RAF1: variants seen among roughly 807,000 people sequenced by gnomAD.
The protein encoded by RAF1 is Raf-1 proto-oncogene, serine/threonine kinase.
A neutral mutation model predicts 81.1 loss-of-function variants in RAF1; 27 were observed. The observed-to-expected ratio is 0.33, with a 90% CI of 0.25 to 0.46. The LOEUF is 0.46. RAF1 is among the 20% of genes least tolerant of loss of function. RAF1 has a pLI of 1.00. For missense variants in RAF1, 598 were observed against 826.0 expected, an observed-to-expected ratio of 0.72 and a Z score of 3.38; for synonymous variants, 298 against 294.0, an observed-to-expected ratio of 1.01 and a Z score of -0.14.
chr3:12,655,911 C>G (rs922296367), intron 1 of RAF1, among the ~76,000 whole-genome samples: 3 of 151,692 alleles, frequency 2.0e-5, no homozygotes, highest in African/African-American at 7.3e-5. Flanking sequence ...TTACGAGGAA[C>G]TGGGCATAGG....
chr3:12,645,110 A>T (rs1010330911), intron 1 of RAF1, among the ~76,000 whole-genome samples: 26 of 151,412 alleles, frequency 1.7e-4, no homozygotes, highest in African/African-American at 5.8e-4. Context: ...AAAAAAAAAA[A>T]AAAAAAAAAA....
At chr3:12,617,658 G>A (rs2059414098) in intron 2 of RAF1, among the ~76,000 whole-genome samples, 1 of 151,998 alleles carries the variant, frequency 6.6e-6, no homozygotes, top group Non-Finnish European at 1.5e-5. Flanking sequence ...GGCCGAGGCA[G>A]GTGGATTACC....
rs1396477109 is a variant in RAF1 at position 12,663,817 on chromosome 3, G to C, written c.-31C>G. 2.5e-6 allele frequency: 1 copy of C among 397,420 alleles called. No individual in the cohort carries two copies. The highest frequency in any genetic ancestry group is 3.6e-5 in the East Asian group (1 of 28,026). 24.6% of individuals were successfully genotyped at this position (397,420 alleles called of 1,614,324 possible). A position where few individuals can be genotyped will look rare whatever the true frequency, so the allele number is the denominator to read the frequency against. ...CGACCCGGTCCTGCCACCTACCTGA[G>C]GGAGCCAGGCCGCCCCAACGTCCTG... On this transcript the variant is annotated 5_prime_UTR_variant, in exon 1 of 18. Coordinates refer to ENST00000442415, the MANE Select transcript of RAF1 (RefSeq NM_001354689.3).
At chr3:12,596,194 C>CT (rs10575214) in intron 11 of RAF1, among the ~76,000 whole-genome samples, 8 of 117,286 alleles carry the variant, frequency 6.8e-5, no homozygotes, top group South Asian at 3.1e-4. Flanking sequence ...ATTTTTCTTT[C>CT]TTTTTTTTTT....
chr3:12,586,780 CTCT>C (rs1277106575), intron 14 of RAF1: 2 of 152,174 alleles, frequency 1.3e-5, no homozygotes, highest in Non-Finnish European at 2.9e-5. Context: ...AACCCCTCTC[CTCT>C]TCTAATAGTG....
intron 2 of RAF1, among the ~76,000 whole-genome samples, chr3:12,616,808 G>C (rs994880217): frequency 6.6e-6 from 1 of 152,194 alleles, no homozygotes; most frequent in Non-Finnish European, 1.5e-5. Context: ...AAAGGAAGAG[G>C]CATGGAAGTT....
intron 1 of RAF1, among the ~76,000 whole-genome samples, chr3:12,656,983 G>C (rs1054604717): frequency 6.8e-6 from 1 of 147,914 alleles, no homozygotes; most frequent in African/African-American, 2.5e-5. Flanking sequence ...TGTGATAAGA[G>C]TGAAACTCCA....
At chr3:12,643,743 A>AG (rs2060261704) in intron 1 of RAF1, among the ~76,000 whole-genome samples, 1 of 135,538 alleles carries the variant, frequency 7.4e-6, no homozygotes, top group Non-Finnish European at 1.6e-5. Flanking sequence ...TCTCAAAAAA[A>AG]AAAAAATAAA....
chr3:12,592,941 A>G (rs770096227), intron 11 of RAF1, among the ~76,000 whole-genome samples: 2 of 151,058 alleles, frequency 1.3e-5, no homozygotes, highest in Non-Finnish European at 2.9e-5. Flanking sequence ...GGGTTTCACC[A>G]TGTTAGCCAG....
At chr3:12,653,859 G>C (rs966630746) in intron 1 of RAF1, among the ~76,000 whole-genome samples, 1 of 152,062 alleles carries the variant, frequency 6.6e-6, no homozygotes, top group Non-Finnish European at 1.5e-5. Context: ...TGCTGGAAGC[G>C]CTCCCAAGAA....
chr3:12,652,298 G>A (rs191922834), intron 1 of RAF1, among the ~76,000 whole-genome samples: 9 of 151,648 alleles, frequency 5.9e-5, no homozygotes, highest in Admixed American at 2.6e-4. Flanking sequence ...CGAGATGGGC[G>A]GATCATAAGG....
intron 6 of RAF1, among the ~76,000 whole-genome samples, chr3:12,605,710 C>T (rs1405772578): frequency 6.6e-6 from 1 of 152,140 alleles, no homozygotes; most frequent in Non-Finnish European, 1.5e-5. Context: ...AAGTTATATG[C>T]AAACTCAGAG....
chr3:12,585,559 GTCAC>G, intron 15 of RAF1, 118 bp downstream of exon 14: 4 of 1,321,806 alleles, frequency 3.0e-6, no homozygotes, highest in Non-Finnish European at 4.3e-6. Context: ...GAGGCTGGCT[GTCAC>G]TAGGGGTCAT....
At chr3:12,586,133 T>C (rs879864799) in intron 14 of RAF1, among the ~76,000 whole-genome samples, 2 of 152,188 alleles carry the variant, frequency 1.3e-5, no homozygotes, top group Non-Finnish European at 2.9e-5. Context: ...CTTGAAACCC[T>C]AACAGGATGA....
At chr3:12,637,049 T>C (rs1303155704) in intron 1 of RAF1, among the ~76,000 whole-genome samples, 3 of 152,132 alleles carry the variant, frequency 2.0e-5, no homozygotes, top group Non-Finnish European at 1.5e-5. Flanking sequence ...AGATAGTGTA[T>C]ATAAAGTACC....
rs751423587 is a variant in RAF1, at chr3:12,600,263, C to A, written c.939G>T (p.Leu313=). Residue 313 remains leucine, a synonymous_variant, in exon 10 of 18, where the codon CTG becomes CTT. Transcript: ENST00000442415. ...GGCTCAGATTGTTGGGGCTACTGGA[C>A]AGGGCTGAAGGTGAGGCTTAATAGA... 1 of 1,614,118 alleles carries A rather than the reference C, an allele frequency of 6.2e-7. No individual in the cohort carries two copies. The highest frequency in any genetic ancestry group is 8.5e-7 in the Non-Finnish European group (1 of 1,180,032).
rs1163270091 is a variant in RAF1, at chr3:12,585,668, C to T, written c.1596+13G>A. The stretch of plus-strand genomic sequence containing the variant: ...CTATACCAGAGACTGCTGGTGGGAG[C>T]CCAGATTCTCACCATCCAGAGGACA... On this transcript the variant is annotated intron_variant, in intron 15 of 17. Coordinates refer to ENST00000442415, the MANE Select transcript of RAF1 (RefSeq NM_001354689.3). 2 of 1,590,918 alleles carry T rather than the reference C, an allele frequency of 1.3e-6. No individual in the cohort carries two copies. Among genetic ancestry groups the T allele is most frequent in the Admixed American group, 1.7e-5 (1 of 60,008 alleles).
chr3:12,649,116 G>A (rs2060442598), intron 1 of RAF1, among the ~76,000 whole-genome samples: 1 of 151,826 alleles, frequency 6.6e-6, no homozygotes, highest in African/African-American at 2.4e-5. Context: ...CTCAGTCTCA[G>A]AAAAAAAGAA....
At chr3:12,650,585 G>A (rs1424652904) in intron 1 of RAF1, among the ~76,000 whole-genome samples, 1 of 151,886 alleles carries the variant, frequency 6.6e-6, no homozygotes, top group Non-Finnish European at 1.5e-5. Flanking sequence ...TGGAATGAAA[G>A]GAAAAAAAGA....
Sources: gnomAD v4.1 joint callset for allele counts (sites outside exome capture counted in the v4.1 genomes callset) on GRCh38, gnomAD v4.1.1 for gene constraint, MANE v1.5 for transcripts, NCBI Gene and HGNC (gene_info 2026-07-23, HGNC 2026-07-21) for gene names.